The following HNRNPL variants were observed in gnomAD, a reference collection of about 807,000 sequenced individuals.
HNRNPL encodes the protein epididymis secretory sperm binding protein.
In HNRNPL, 12 loss-of-function variants were observed where a neutral mutation model predicts 64.0. The ratio of observed to expected loss-of-function variants is 0.19; its 90% confidence interval spans 0.12 to 0.30. HNRNPL has a LOEUF of 0.30. Ranked by LOEUF, HNRNPL falls within the 10% of genes least tolerant of loss-of-function variation. HNRNPL has a pLI of 1.00. For synonymous variants in HNRNPL, 385 were observed against 313.0 expected (o/e 1.23, Z -2.43); for missense variants, 484 against 797.4 (o/e 0.61, Z 4.73).
At chr19:38,844,980 T>C (rs1256331710) in intron 4 of HNRNPL, 1 of 152,240 alleles carries the variant, frequency 6.6e-6, no homozygotes, top group Non-Finnish European at 1.5e-5. Context: ...AGTGCTGGGA[T>C]TGCAGGCATG....
At chr19:38,843,789 G>T (rs1178535394) in intron 6 of HNRNPL, 53 bp downstream of exon 6, 1 of 1,442,830 alleles carries the variant, frequency 6.9e-7, no homozygotes, top group Non-Finnish European at 9.8e-7. Context: ...AAGTGCACTA[G>T]TCGAGTGAAA....
chr19:38,852,034 G>C (rs1169463076), upstream of HNRNPL, among the ~76,000 whole-genome samples: 1 of 151,538 alleles, frequency 6.6e-6, no homozygotes, highest in African/African-American at 2.4e-5. Context: ...GGGAGGGGGA[G>C]AGAGAGGGCC....
chr19:38,848,891 G>A (rs898549179), intron 1 of HNRNPL, among the ~76,000 whole-genome samples: 11 of 152,292 alleles, frequency 7.2e-5, no homozygotes, highest in Admixed American at 5.9e-4. Context: ...CCTAAACCCT[G>A]GAAAACCCTG....
chr19:38,838,335 A>T, intron 10 of HNRNPL, 62 bp downstream of exon 10: 1 of 1,378,854 alleles, frequency 7.3e-7, no homozygotes. Context: ...GACTGAAATG[A>T]ATGGCCTACT....
At chr19:38,845,035 T>C (rs528693201) in intron 4 of HNRNPL, 3 of 152,396 alleles carry the variant, frequency 2.0e-5, no homozygotes, top group African/African-American at 7.2e-5. Context: ...TAAATTCCTT[T>C]TCCCAGGGGC....
Position 38,837,238 on chromosome 19 carries a change from T to C in HNRNPL, c.1711+146A>G, listed in dbSNP as rs377205652. 334 of 660,772 alleles carry C rather than the reference T, an allele frequency of 5.1e-4. 1 individual carries two copies. The highest frequency in any genetic ancestry group is 4.6e-3 in the South Asian group (260 of 56,092). The allele number at this position is 660,772 out of a possible 1,614,324, so 40.9% of individuals were successfully genotyped here. ...CCAAGAGGAGCACAGGCTGCTCTCC[T>C]GATGAGCAGGTCCCACCTGCCTGTG... On this transcript the variant is annotated intron_variant, in intron 12 of 12. Transcript: ENST00000221419.
At chr19:38,851,572 G>A (rs1285710488), upstream of HNRNPL, among the ~76,000 whole-genome samples, 1 of 152,198 alleles carries the variant, frequency 6.6e-6, no homozygotes, top group African/African-American at 2.4e-5. Context: ...CGGCTGATGG[G>A]GGATTTCGAG....
At chr19:38,850,219 T>G, upstream of HNRNPL, 1 of 401,698 alleles carries the variant, frequency 2.5e-6, no homozygotes, top group South Asian at 8.1e-5. Context: ...TAAAATAAAA[T>G]CCAATTTGAT....
chr19:38,842,672 C>A (rs1302579937), intron 6 of HNRNPL, among the ~76,000 whole-genome samples: 1 of 152,068 alleles, frequency 6.6e-6, no homozygotes, highest in Non-Finnish European at 1.5e-5. Flanking sequence ...AGAGGCAGAG[C>A]CGCTGAAGTA....
At chr19:38,849,594 G>C in intron 1 of HNRNPL, 106 bp downstream of exon 1, 2 of 1,270,632 alleles carry the variant, frequency 1.6e-6, no homozygotes, top group Non-Finnish European at 2.0e-6. Flanking sequence ...CGACGCGATG[G>C]CCTGGGCGCG....
At chr19:38,850,577 G>C (rs1392598711), upstream of HNRNPL, among the ~76,000 whole-genome samples, 1 of 152,236 alleles carries the variant, frequency 6.6e-6, no homozygotes, top group Non-Finnish European at 1.5e-5. Flanking sequence ...CTTTGGTGCA[G>C]TATACGAAAC....
At chr19:38,849,014 C>T (rs537229132) in intron 1 of HNRNPL, among the ~76,000 whole-genome samples, 3 of 152,326 alleles carry the variant, frequency 2.0e-5, no homozygotes, top group Non-Finnish European at 4.4e-5. Flanking sequence ...GGTCGAAATG[C>T]TTCCAACATG....
intron 1 of HNRNPL, 70 bp downstream of exon 1, chr19:38,849,629 TA>T: frequency 1.5e-6 from 2 of 1,290,774 alleles, no homozygotes; most frequent in Non-Finnish European, 2.0e-6. Context: ...CCTCAAAAAA[TA>T]AAATGCCCTC....
At chr19:38,838,250 C>T in intron 10 of HNRNPL, 147 bp downstream of exon 10, 1 of 640,840 alleles carries the variant, frequency 1.6e-6, no homozygotes. Context: ...TCCTATCTGT[C>T]CTGGCCTCTG....
chr19:38,836,805 T>G (rs767933979), intron 12 of HNRNPL, 25 bp from the exon 13 acceptor site: 1 of 1,595,172 alleles, frequency 6.3e-7, no homozygotes, highest in Admixed American at 1.8e-5. Flanking sequence ...CAAGTTTGGT[T>G]GGTTCCCGTC....
Position 38,836,769 on chromosome 19 carries a change from G to A in HNRNPL, c.1723C>T (p.Pro575Ser). The A allele has an allele frequency of 6.2e-7, 1 of 1,612,586 alleles. No individual in the cohort carries two copies. The highest frequency in any genetic ancestry group is 8.5e-7 in the Non-Finnish European group (1 of 1,179,420). The change falls in exon 13 of 13, where the codon CCT becomes TCT. Residue 575 changes from proline (P) to serine (S), a missense_variant. By Grantham distance (74) the Pro-to-Ser change is moderately conservative. Around this residue, in one of 9 missense-constraint regions of HNRNPL, gnomAD observed 69 missense variants for 91.8 expected, o/e 0.75. Transcript: ENST00000221419. Reference sequence around the variant, plus strand: ...GAGAAACACAACTTCAGAGTGTAAGGGTATGGACCATCTGCAAAGGAGAGA... The same window carrying A: ...GAGAAACACAACTTCAGAGTGTAAGAGTATGGACCATCTGCAAAGGAGAGA... ...YQMKNPNGPY[P>S]YTLKLCFSTA... is the part of the protein sequence containing the mutation.
At chr19:38,848,748 G>C (rs1972390824) in intron 1 of HNRNPL, among the ~76,000 whole-genome samples, 1 of 152,102 alleles carries the variant, frequency 6.6e-6, no homozygotes, top group Non-Finnish European at 1.5e-5. Context: ...CTCTCTCCTG[G>C]CCCATTTCCT....
At chr19:38,844,190 C>T (rs2278012) in intron 4 of HNRNPL, 86 bp from the exon 5 acceptor site, 556,306 of 851,690 alleles carry the variant, frequency 0.65, 185,203 homozygotes, top group South Asian at 0.74. Context: ...GACAAGGTAG[C>T]ACCCCAAGAC....
chr19:38,837,683 T>C (rs1971974538), intron 10 of HNRNPL, 32 bp from the exon 11 acceptor site: 1 of 1,606,152 alleles, frequency 6.2e-7, no homozygotes, highest in East Asian at 2.2e-5. Flanking sequence ...AAATGAACTC[T>C]GAAACAAAAG....
Sources: allele counts gnomAD v4.1 joint callset (sites outside exome capture counted in the v4.1 genomes callset), GRCh38; gene constraint gnomAD v4.1.1; regional missense constraint gnomAD v4.1.1; transcripts MANE v1.5; gene names NCBI Gene and HGNC (gene_info 2026-07-23, HGNC 2026-07-21).